The following DECR1 variants were observed in gnomAD, a reference collection of about 807,000 sequenced individuals.
DECR1 encodes 2,4-dienoyl-CoA reductase 1.
Under a neutral mutation model 38.8 loss-of-function variants are expected in DECR1, and 44 were observed. The observed-to-expected ratio is 1.13, with a 90% CI of 0.89 to 1.46. The LOEUF is 1.46. Ranked by LOEUF, DECR1 falls within the 40% of genes most tolerant of loss-of-function variation. The pLI is 0.00. For missense variants in DECR1, 428 were observed against 405.5 expected (o/e 1.06, Z -0.48); for synonymous variants, 148 against 135.2 (o/e 1.09, Z -0.66).
chr8:90,002,212 C>G (rs1307832759), intron 1 of DECR1, among the ~76,000 whole-genome samples: 1 of 152,132 alleles, frequency 6.6e-6, no homozygotes, highest in Non-Finnish European at 1.5e-5. Flanking sequence ...TCAGGCCGAG[C>G]GAGCACTGAC....
At chr8:90,045,679 G>C (rs139676421) in intron 8 of DECR1, among the ~76,000 whole-genome samples, 91 of 152,316 alleles carry the variant, frequency 6.0e-4, no homozygotes, top group Non-Finnish European at 1.1e-3. Flanking sequence ...GCTTTGAAGA[G>C]AGTAGTGGTT....
intron 5 of DECR1, chr8:90,029,150 G>A (rs1430497408): frequency 1.3e-5 from 2 of 152,140 alleles, no homozygotes; most frequent in African/African-American, 4.8e-5. Flanking sequence ...CAGTTAGTGA[G>A]TGACGATATT....
chr8:90,041,027 T>C (rs1165115921), intron 6 of DECR1, among the ~76,000 whole-genome samples: 1 of 152,222 alleles, frequency 6.6e-6, no homozygotes, highest in Non-Finnish European at 1.5e-5. Context: ...TTTCTAGTTC[T>C]AGATCCTTGA....
intron 5 of DECR1, among the ~76,000 whole-genome samples, chr8:90,034,323 T>G (rs1813566064): frequency 6.6e-6 from 1 of 152,182 alleles, no homozygotes; most frequent in Non-Finnish European, 1.5e-5. Context: ...TTGATCCTTT[T>G]GCAAATATTA....
chr8:90,032,553 G>C (rs1813523152), intron 5 of DECR1, among the ~76,000 whole-genome samples: 1 of 152,110 alleles, frequency 6.6e-6, no homozygotes, highest in African/African-American at 2.4e-5. Flanking sequence ...AAGAAATTCA[G>C]TTCTTAGGAA....
rs778511781 is a variant in DECR1, at chr8:90,044,829, T to C, written c.739-20T>C. ...GATTGAAAAACCCGACACAACCTAA[T>C]TGTTTTCTTAATTTCTAAGGGTGCC... is the stretch of plus-strand genomic sequence containing the variant. On this transcript the variant is annotated intron_variant, in intron 7 of 9. Coordinates refer to ENST00000220764, the MANE Select transcript of DECR1 (RefSeq NM_001359.2). 1 of 1,599,274 alleles carries C rather than the reference T, an allele frequency of 6.3e-7. No individual in the cohort carries two copies. Among genetic ancestry groups the C allele is most frequent in the South Asian group, 1.1e-5 (1 of 88,446 alleles).
At chr8:90,018,524 C>T in intron 2 of DECR1, 1 of 153,508 alleles carries the variant, frequency 6.5e-6, no homozygotes, top group Admixed American at 6.4e-5. Flanking sequence ...ATAATAATTT[C>T]TATTCATAGT....
At chr8:90,021,640 G>A (rs1313910168) in intron 5 of DECR1, among the ~76,000 whole-genome samples, 1 of 152,188 alleles carries the variant, frequency 6.6e-6, no homozygotes, top group Admixed American at 6.5e-5. Flanking sequence ...CAACAAGATG[G>A]ATGATAAAAG....
rs774909417 is a variant in DECR1 at position 90,019,013 on chromosome 8, T to A, written c.330+47T>A. On this transcript the variant is annotated intron_variant, in intron 3 of 9. Transcript: ENST00000220764. ...TAATTTAGATTTAGGAATTATAACA[T>A]GTTCAAATAATTTGTTCATGCGTTT... The A allele has an allele frequency of 2.5e-6, 4 of 1,577,806 alleles. No homozygotes were observed. In the East Asian group the frequency reaches 9.0e-5, roughly 35 times the overall value.
chr8:90,005,316 GAGA>G (rs1479377616), intron 1 of DECR1: 2 of 456,144 alleles, frequency 4.4e-6, no homozygotes, highest in Non-Finnish European at 8.8e-6. Flanking sequence ...ATATGAAGGT[GAGA>G]AGAAGAGCTG....
intron 5 of DECR1, 33 bp downstream of exon 5, chr8:90,021,089 G>C: frequency 1.3e-6 from 2 of 1,529,162 alleles, no homozygotes; most frequent in South Asian, 1.3e-5. Context: ...TATTTATTTG[G>C]CTTCTGTGTG....
At chr8:90,050,915 C>A (rs981598052) in intron 8 of DECR1, among the ~76,000 whole-genome samples, 3 of 152,010 alleles carry the variant, frequency 2.0e-5, no homozygotes, top group Non-Finnish European at 4.4e-5. Context: ...TGAGCAAACT[C>A]TCACAAAGAC....
intron 1 of DECR1, among the ~76,000 whole-genome samples, chr8:90,006,561 A>G (rs1378217587): frequency 6.6e-6 from 1 of 152,132 alleles, no homozygotes; most frequent in African/African-American, 2.4e-5. Context: ...TCATCTGTTG[A>G]GAGGTGATGG....
At position 90,017,250 on chromosome 8, in the gene DECR1, G is replaced by A. The variant is rs1326497340; in HGVS notation, c.196G>A (p.Gly66Arg). Reference protein sequence around the residue: ...SFQGKVAFITGGGTGLGKGMT... With the variant: ...SFQGKVAFITRGGTGLGKGMT... ...TCAAGGAAAAGTGGCATTCATTACT[G>A]GGGGAGGTACTGGCCTTGGTAAAGG... Residue 66 changes from glycine (G) to arginine (R), a missense_variant, in exon 2 of 10, where the codon GGG (glycine) becomes AGG (arginine). Coordinates refer to ENST00000220764, the MANE Select transcript of DECR1 (RefSeq NM_001359.2). The A allele has an allele frequency of 3.1e-6, 5 of 1,614,134 alleles. No homozygotes were observed. The South Asian group carries it at 3.3e-5, about 11-fold the overall frequency.
Position 90,052,722 on chromosome 8 carries a change from G to A in DECR1, c.*825G>A, listed in dbSNP as rs1814129142. ...ATCATTTGATTAAATTTCATCTTTG[G>A]TTTGACTAATTTGTCATCCTGAAAA... On this transcript the variant is annotated 3_prime_UTR_variant, in exon 10 of 10. Coordinates refer to ENST00000220764, the MANE Select transcript of DECR1 (RefSeq NM_001359.2). Among the ~76,000 whole-genome samples the A allele has an allele frequency of 6.6e-6, 1 of 152,106 alleles. No individual in the cohort carries two copies. The highest frequency in any genetic ancestry group is 6.6e-5 in the Admixed American group (1 of 15,264).
In DECR1 at chr8:90,001,563, T is replaced by TA; in HGVS notation, c.69+4dup. ...CCCTGTGGCCTCGCTCCTCGGAGGGTAAGGCGGCCGGGGGCGCGGGGAGCG... is the reference window on the plus strand; with the variant it reads ...CCCTGTGGCCTCGCTCCTCGGAGGGTAAAGGCGGCCGGGGGCGCGGGGAGCG... On this transcript the variant is annotated splice_region_variant and intron_variant, in intron 1 of 9. Coordinates refer to ENST00000220764, the MANE Select transcript of DECR1 (RefSeq NM_001359.2). The TA allele has an allele frequency of 6.2e-7, 1 of 1,611,364 alleles. No homozygotes were observed. The highest frequency in any genetic ancestry group is 1.1e-5 in the South Asian group (1 of 91,030).
intron 5 of DECR1, chr8:90,029,498 T>A (rs1051548065): frequency 2.6e-5 from 4 of 151,936 alleles, no homozygotes; most frequent in African/African-American, 9.7e-5. Flanking sequence ...AGGAAGAGAA[T>A]AAATGTAAAT....
intron 1 of DECR1, among the ~76,000 whole-genome samples, chr8:90,012,189 G>A (rs1248701253): frequency 2.0e-5 from 3 of 147,276 alleles, no homozygotes; most frequent in South Asian, 2.1e-4. Context: ...GTCTTGTTCC[G>A]TTGCCCAGGC....
chr8:90,039,598 C>T (rs889682104), intron 6 of DECR1, among the ~76,000 whole-genome samples: 1 of 152,148 alleles, frequency 6.6e-6, no homozygotes, highest in Non-Finnish European at 1.5e-5. Flanking sequence ...ACCATCCTAC[C>T]TTCTTAATCT....
Sources: gnomAD v4.1 joint callset for allele counts (sites outside exome capture counted in the v4.1 genomes callset) on GRCh38, gnomAD v4.1.1 for gene constraint, MANE v1.5 for transcripts, NCBI Gene and HGNC (gene_info 2026-07-23, HGNC 2026-07-21) for gene names.